Variants in VWA3A observed in about 807,000 individuals in gnomAD.
VWA3A encodes the protein von Willebrand factor A domain containing 3A.
Under a neutral mutation model 160.4 loss-of-function variants are expected in VWA3A, and 134 were observed. The ratio of observed to expected loss-of-function variants is 0.84; its 90% confidence interval spans 0.73 to 0.96. The LOEUF is 0.96. Ranked by LOEUF, VWA3A falls within the 40% of genes least tolerant of loss-of-function variation. The pLI is 0.00. For synonymous variants in VWA3A, 476 were observed against 543.4 expected, an observed-to-expected ratio of 0.88 and a Z score of 1.72; for missense variants, 1,310 against 1,447.9, an observed-to-expected ratio of 0.90 and a Z score of 1.55.
chr16:22,140,089 G>C, intron 22 of VWA3A, 65 bp from the exon 23 acceptor site: 1 of 1,516,744 alleles, frequency 6.6e-7, no homozygotes, highest in South Asian at 1.2e-5. Context: ...TTGAGGTCAG[G>C]GTAACTGGGA....
At chr16:22,135,015 A>C (rs563983698) in intron 21 of VWA3A, among the ~76,000 whole-genome samples, 4 of 152,320 alleles carry the variant, frequency 2.6e-5, no homozygotes, top group South Asian at 4.1e-4. Flanking sequence ...CAGGAGTTTG[A>C]GACCAGCCTC....
At chr16:22,105,315 A>G (rs1252620893) in intron 6 of VWA3A, among the ~76,000 whole-genome samples, 4 of 152,124 alleles carry the variant, frequency 2.6e-5, no homozygotes, top group Non-Finnish European at 4.4e-5. Context: ...CAGAGAAACC[A>G]TGGAAGAGCC....
intron 30 of VWA3A, among the ~76,000 whole-genome samples, chr16:22,151,906 C>T (rs2046354906): frequency 6.6e-6 from 1 of 152,094 alleles, no homozygotes; most frequent in African/African-American, 2.4e-5. Flanking sequence ...GGATAAATGT[C>T]CCATAAATAA....
At chr16:22,122,423 G>C (rs1031356768) in intron 14 of VWA3A, among the ~76,000 whole-genome samples, 1 of 152,004 alleles carries the variant, frequency 6.6e-6, no homozygotes, top group Admixed American at 6.6e-5. Flanking sequence ...ACAAGTGAAA[G>C]AATGAAAGTA....
chr16:22,103,671 AC>A, intron 6 of VWA3A, 142 bp downstream of exon 6: 1 of 919,176 alleles, frequency 1.1e-6, no homozygotes, highest in Non-Finnish European at 1.6e-6. Context: ...GTAAATGAAA[AC>A]CCCAGCCACA....
At chr16:22,134,466 G>T (rs536114796) in intron 21 of VWA3A, 28 bp downstream of exon 21, 3 of 1,551,086 alleles carry the variant, frequency 1.9e-6, no homozygotes, top group Non-Finnish European at 2.6e-6. Context: ...GCCAATGACT[G>T]CACTGCCTTT....
chr16:22,131,370 C>G (rs1273005887), intron 18 of VWA3A, 91 bp downstream of exon 18: 10 of 1,495,728 alleles, frequency 6.7e-6, no homozygotes, highest in Admixed American at 3.9e-5. Flanking sequence ...CAAGAAGTAG[C>G]TCTCTAGAGT....
intron 3 of VWA3A, 57 bp from the exon 4 acceptor site, chr16:22,100,137 A>G (rs568021925): frequency 6.3e-5 from 94 of 1,487,042 alleles, no homozygotes; most frequent in Middle Eastern, 2.5e-4. Context: ...TGTGAAGGGA[A>G]CCTCTTCCTT....
rs1373813340 is a variant in VWA3A at position 22,115,329 on chromosome 16, G to A, written c.690-18G>A. ...CAAACAGTCTTATAATTAGGTTGCT[G>A]TTGTTGTCTCCTCCCAGCCTCCAGG... On this transcript the variant is annotated intron_variant, in intron 8 of 33. Transcript: ENST00000389398. The A allele has an allele frequency of 5.7e-6, 9 of 1,574,742 alleles. No homozygotes were observed. The highest frequency in any genetic ancestry group is 7.7e-6 in the Non-Finnish European group (9 of 1,162,718).
chr16:22,131,278 CG>C lies in VWA3A; in HGVS notation c.1727+1del, dbSNP rs775854330. 9.9e-6 allele frequency: 16 copies of C among 1,613,694 alleles called. No individual in the cohort carries two copies. The highest frequency in any genetic ancestry group is 1.4e-5 in the Non-Finnish European group (16 of 1,179,852). On this transcript the variant is annotated frameshift_variant and splice_region_variant, in exon 18 of 34. Transcript: ENST00000389398. LOFTEE classifies it high-confidence loss of function. ...VSHNNLQSAW[R>X]WALNLRCRGS... is the part of the protein sequence containing the mutation. The stretch of plus-strand genomic sequence containing the variant: ...TCACAACAATTTACAAAGTGCCTGG[CG>C]GTAGGTTATGGGCAGAGACTTCGTG...
At chr16:22,093,951 T>TA in intron 1 of VWA3A, among the ~76,000 whole-genome samples, 1 of 151,640 alleles carries the variant, frequency 6.6e-6, no homozygotes, top group East Asian at 1.9e-4. Context: ...TTTTTTTTTT[T>TA]TTATATAGAG....
In VWA3A at chr16:22,096,917, C is replaced by A; in HGVS notation, c.73C>A (p.Gln25Lys). The A allele has an allele frequency of 2.0e-6, 3 of 1,533,274 alleles. No homozygotes were observed. The highest frequency in any genetic ancestry group is 1.8e-6 in the Non-Finnish European group (2 of 1,132,546). 95.0% of individuals were successfully genotyped at this position (1,533,274 alleles called of 1,614,324 possible). ...ATQTSHVFHG[Q>K]ENMFLENHCI... ...ACAAACTAGTCATGTCTTCCATGGTCAAGAAAATATGTTTCTGGAAAACCA... is the reference window on the plus strand; with the variant it reads ...ACAAACTAGTCATGTCTTCCATGGTAAAGAAAATATGTTTCTGGAAAACCA... Residue 25 changes from glutamine to lysine, a missense_variant, in exon 2 of 34, where the codon CAA (glutamine) becomes AAA (lysine). By Grantham distance (53) the Gln-to-Lys change is moderately conservative. Transcript: ENST00000389398.
At chr16:22,123,051 G>A (rs1053274604) in intron 14 of VWA3A, 34 bp from the exon 15 acceptor site, 18 of 1,556,454 alleles carry the variant, frequency 1.2e-5, no homozygotes, top group African/African-American at 1.4e-5. Context: ...ACTTCTGTTC[G>A]CCTGCTCACC....
At chr16:22,149,086 G>C (rs1026095577) in intron 28 of VWA3A, among the ~76,000 whole-genome samples, 1 of 152,060 alleles carries the variant, frequency 6.6e-6, no homozygotes, top group Admixed American at 6.6e-5. Flanking sequence ...TGCTTTACAC[G>C]CATCATTTCA....
chr16:22,131,591 C>A lies in VWA3A; in HGVS notation c.1734C>A (p.Ala578=). The A allele has an allele frequency of 1.2e-6, 2 of 1,612,686 alleles. No individual in the cohort carries two copies. Among genetic ancestry groups the A allele is most frequent in the Non-Finnish European group, 1.7e-6 (2 of 1,179,266 alleles). ...HNNLQSAWRW[A]LNLRCRGSRN... ...GCCATCTCTGCCTCCGCAGGTGGGC[C>A]CTGAACCTGCGGTGTCGGGGCAGCA... Residue 578 remains alanine (A), a synonymous_variant, in exon 19 of 34, where the codon GCC becomes GCA. Transcript: ENST00000389398.
chr16:22,121,103 G>A lies in VWA3A; in HGVS notation c.1252G>A (p.Ala418Thr). ...GTGGCTTAAGGTCAATGGTCTGAAA[G>A]GTAAATCTCCAAAGAGGGCAGAACC... ...AEWLKVNGLK[A>T]KKLSLYQVLA... The change falls in exon 13 of 34, where the codon GCC (alanine) becomes ACC (threonine). Residue 418 changes from alanine to threonine, a missense_variant and splice_region_variant. Ala to Thr is a moderately conservative substitution (Grantham distance 58, BLOSUM62 0). Transcript: ENST00000389398. The A allele has an allele frequency of 1.2e-6, 2 of 1,613,882 alleles. No homozygotes were observed. The highest frequency in any genetic ancestry group is 4.5e-5 in the East Asian group (2 of 44,880).
intron 17 of VWA3A, among the ~76,000 whole-genome samples, chr16:22,129,060 G>A (rs543510803): frequency 9.9e-5 from 15 of 151,996 alleles, no homozygotes; most frequent in East Asian, 7.7e-4. Flanking sequence ...ACCTGCACAC[G>A]TACCCCTGAG....
intron 22 of VWA3A, among the ~76,000 whole-genome samples, chr16:22,138,766 A>G (rs1207662842): frequency 6.7e-6 from 1 of 150,076 alleles, no homozygotes; most frequent in Non-Finnish European, 1.5e-5. Flanking sequence ...CCTTTTCCCT[A>G]CCCTGGTACT....
At chr16:22,100,142 T>C in intron 3 of VWA3A, 52 bp from the exon 4 acceptor site, 5 of 1,495,584 alleles carry the variant, frequency 3.3e-6, no homozygotes, top group Non-Finnish European at 4.5e-6. Context: ...AGGGAACCTC[T>C]TCCTTCCCTC....
Sources: allele counts gnomAD v4.1 joint callset (sites outside exome capture counted in the v4.1 genomes callset), GRCh38; gene constraint gnomAD v4.1.1; transcripts MANE v1.5; gene names NCBI Gene and HGNC (gene_info 2026-07-23, HGNC 2026-07-21).